ITK: variants seen among roughly 807,000 people sequenced by gnomAD.
ITK encodes tyrosine-protein kinase ITK/TSK.
In ITK, 45 loss-of-function variants were observed where a neutral mutation model predicts 87.6. That is an observed-to-expected ratio of 0.51 (90% CI 0.40 to 0.66). The LOEUF (loss-of-function observed/expected upper bound fraction) is 0.66. ITK is among the 30% of genes least tolerant of loss of function. ITK has a pLI of 0.00. For missense variants in ITK, 605 were observed against 766.3 expected (o/e 0.79, Z 2.48); for synonymous variants, 303 against 273.6 (o/e 1.11, Z -1.06).
At chr5:157,215,550 G>A (rs1457649179) in intron 4 of ITK, among the ~76,000 whole-genome samples, 5 of 152,130 alleles carry the variant, frequency 3.3e-5, no homozygotes, top group Non-Finnish European at 5.9e-5. Context: ...ATATTCATGC[G>A]GGCCAATATT....
intron 15 of ITK, among the ~76,000 whole-genome samples, chr5:157,248,168 T>C (rs1186210918): frequency 6.6e-6 from 1 of 152,180 alleles, no homozygotes; most frequent in Non-Finnish European, 1.5e-5. Context: ...GGAACAACCT[T>C]TGAAAAGCTC....
intron 1 of ITK, among the ~76,000 whole-genome samples, chr5:157,207,487 T>TCTC (rs1348011307): frequency 7.1e-6 from 1 of 140,834 alleles, no homozygotes; most frequent in Non-Finnish European, 1.5e-5. Flanking sequence ...TTCACGCCAT[T>TCTC]CTCCTGCCTC....
chr5:157,219,940 A>G (rs1580892482), intron 5 of ITK, among the ~76,000 whole-genome samples: 1 of 152,156 alleles, frequency 6.6e-6, no homozygotes, highest in East Asian at 1.9e-4. Context: ...CATCGTGGAT[A>G]CTGTTTTGAG....
At chr5:157,241,464 A>G (rs1754897242) in intron 10 of ITK, 182 bp from the exon 11 acceptor site, 1 of 601,702 alleles carries the variant, frequency 1.7e-6, no homozygotes, top group Middle Eastern at 4.2e-4. Context: ...CCACTTGCCC[A>G]TCTGTGCTTA....
At chr5:157,191,711 G>A (rs1269314545) in intron 1 of ITK, among the ~76,000 whole-genome samples, 1 of 151,998 alleles carries the variant, frequency 6.6e-6, no homozygotes. Flanking sequence ...TAATGGTTGA[G>A]TCAGTTCATT....
Position 157,243,614 on chromosome 5 carries a change from C to G in ITK, c.1061-9C>G. The G allele has an allele frequency of 6.2e-7, 1 of 1,611,960 alleles. No homozygotes were observed. Among genetic ancestry groups the G allele is most frequent in the Non-Finnish European group, 8.5e-7 (1 of 1,179,662 alleles). ...GCTGACCCCAGAGAACTCTCTCTCT[C>G]TCTTCCAGGGAAATGGGTGATCGAC... On this transcript the variant is annotated splice_polypyrimidine_tract_variant and intron_variant, in intron 11 of 16. Transcript: ENST00000422843.
At chr5:157,226,183 T>C (rs1754527377) in intron 6 of ITK, among the ~76,000 whole-genome samples, 1 of 152,240 alleles carries the variant, frequency 6.6e-6, no homozygotes. Context: ...AAGTCACTTT[T>C]CCTCTGTGAA....
chr5:157,211,952 C>G lies in ITK; in HGVS notation c.325+584C>G, dbSNP rs183221332. 4.0e-4 allele frequency among the ~76,000 whole-genome samples: 61 copies of G among 152,332 alleles called. 1 individual carries two copies. The highest frequency in any genetic ancestry group is 1.4e-3 in the African/African-American group (60 of 41,582). On this transcript the variant is annotated intron_variant, in intron 3 of 16. Coordinates refer to ENST00000422843, the MANE Select transcript of ITK (RefSeq NM_005546.4). ...CCCATAGACAGCATGCAATAAATAT[C>G]AGCTAGCTTTCAAGCTTTTCAGACC...
intron 13 of ITK, 24 bp from the exon 14 acceptor site, chr5:157,245,701 CT>C: frequency 6.2e-7 from 1 of 1,608,310 alleles, no homozygotes; most frequent in Non-Finnish European, 8.5e-7. Flanking sequence ...TCCTCTCCGC[CT>C]TTGTTTGCCT....
chr5:157,238,250 C>T, intron 9 of ITK, 59 bp downstream of exon 9: 1 of 1,308,756 alleles, frequency 7.6e-7, no homozygotes, highest in Non-Finnish European at 1.1e-6. Flanking sequence ...TGTGTGAGCA[C>T]TGGGGAAAAG....
At chr5:157,243,524 T>A (rs778246175) in intron 11 of ITK, 99 bp from the exon 12 acceptor site, 8 of 944,066 alleles carry the variant, frequency 8.5e-6, no homozygotes, top group Non-Finnish European at 1.4e-5. Context: ...ATATTAACAA[T>A]AGGCTAAAAT....
intron 1 of ITK, 69 bp downstream of exon 1, chr5:157,181,184 T>C: frequency 6.9e-7 from 1 of 1,458,072 alleles, no homozygotes; most frequent in Non-Finnish European, 9.6e-7. Context: ...AATGCAAAAA[T>C]ATATACATAG....
At position 157,248,989 on chromosome 5, in the gene ITK, G is replaced by A; in HGVS notation, c.1773G>A (p.Met591Ile). Residue 591 changes from methionine (M) to isoleucine (I), a missense_variant, in exon 16 of 17, where the codon ATG becomes ATA. Physicochemically the swap from Met to Ile is conservative, Grantham distance 10. Around this residue, in one of 3 missense-constraint regions of ITK, gnomAD observed 71 missense variants for 65.8 expected, o/e 1.08. Transcript: ENST00000422843. ...CCTCCACACACGTCTACCAGATTAT[G>A]AATCACTGCTGGAAAGAGGTCAGTG... ...RLASTHVYQI[M>I]NHCWKERPED... The A allele has an allele frequency of 6.2e-7, 1 of 1,613,918 alleles. No individual in the cohort carries two copies. The highest frequency in any genetic ancestry group is 8.5e-7 in the Non-Finnish European group (1 of 1,179,826).
rs140064341 is a variant in ITK at position 157,181,092 on chromosome 5, G to T, written c.115G>T (p.Ala39Ser). 5.0e-6 allele frequency: 8 copies of T among 1,614,018 alleles called. No individual in the cohort carries two copies. Among genetic ancestry groups the T allele is most frequent in the South Asian group, 1.1e-5 (1 of 91,084 alleles). The change falls in exon 1 of 17, where the codon GCA (alanine) becomes TCA (serine). Residue 39 changes from alanine to serine, a missense_variant. Transcript: ENST00000422843. ...CTTTGTGTTAACCAAAGCCAGCCTG[G>T]CATACTTTGAAGATCGTCATGGGGT... ...RFFVLTKASLAYFEDRHGKKR... is the reference protein window; with the variant it reads ...RFFVLTKASLSYFEDRHGKKR...
chr5:157,199,204 T>C (rs1753911677), intron 1 of ITK: 1 of 152,218 alleles, frequency 6.6e-6, no homozygotes, highest in Admixed American at 6.5e-5. Flanking sequence ...TGATAAGGAA[T>C]GAGGTTAGGA....
intron 11 of ITK, among the ~76,000 whole-genome samples, chr5:157,243,066 G>T (rs1342765779): frequency 6.6e-6 from 1 of 152,132 alleles, no homozygotes; most frequent in Non-Finnish European, 1.5e-5. Flanking sequence ...ATATTACCTG[G>T]TCAGCCTACT....
chr5:157,240,339 C>T (rs1754864371), intron 10 of ITK, 144 bp downstream of exon 10: 2 of 760,152 alleles, frequency 2.6e-6, no homozygotes, highest in Non-Finnish European at 4.6e-6. Flanking sequence ...GTGAACAGCA[C>T]TTGTGGGATC....
At chr5:157,245,271 C>A in intron 13 of ITK, 1 of 231,550 alleles carries the variant, frequency 4.3e-6, no homozygotes, top group South Asian at 5.9e-5. Flanking sequence ...GTGTTATCTC[C>A]AATGGCTTTT....
chr5:157,236,566 C>G (rs939651199), intron 8 of ITK, among the ~76,000 whole-genome samples: 2 of 152,074 alleles, frequency 1.3e-5, no homozygotes, highest in Admixed American at 1.3e-4. Flanking sequence ...GCCCTCCGCA[C>G]AAGGATCTTG....
Sources: allele counts gnomAD v4.1 joint callset (sites outside exome capture counted in the v4.1 genomes callset), GRCh38; gene constraint gnomAD v4.1.1; regional missense constraint gnomAD v4.1.1; transcripts MANE v1.5; gene names NCBI Gene and HGNC (gene_info 2026-07-23, HGNC 2026-07-21).